Variants in MICU2 observed in about 807,000 individuals in gnomAD.
The protein encoded by MICU2 is mitochondrial calcium uptake 2, also known as calcium uptake protein 2, mitochondrial.
Under a neutral mutation model 60.4 loss-of-function variants are expected in MICU2, and 64 were observed. The observed-to-expected ratio is 1.06, with a 90% CI of 0.87 to 1.31. The LOEUF is 1.31. Ranked by LOEUF, MICU2 falls within the 50% of genes most tolerant of loss-of-function variation. The pLI is 0.00. For missense variants in MICU2, 569 were observed against 531.0 expected, an observed-to-expected ratio of 1.07 and a Z score of -0.70; for synonymous variants, 201 against 175.0, an observed-to-expected ratio of 1.15 and a Z score of -1.17.
At chr13:21,519,197 C>T (rs976017667) in intron 6 of MICU2, among the ~76,000 whole-genome samples, 9 of 152,172 alleles carry the variant, frequency 5.9e-5, no homozygotes, top group African/African-American at 2.2e-4. Flanking sequence ...GCTGAGATTA[C>T]AGGCATACGC....
intron 4 of MICU2, among the ~76,000 whole-genome samples, chr13:21,535,116 T>A (rs1299045186): frequency 6.6e-6 from 1 of 152,096 alleles, no homozygotes; most frequent in Non-Finnish European, 1.5e-5. Flanking sequence ...ATCTCTCAAT[T>A]TTTTTTTCCT....
intron 1 of MICU2, among the ~76,000 whole-genome samples, chr13:21,597,761 C>A (rs1348792847): frequency 2.0e-5 from 3 of 151,800 alleles, no homozygotes; most frequent in African/African-American, 7.3e-5. Context: ...GAAACCCCGT[C>A]TCTACTAAAA....
chr13:21,567,131 C>T (rs962860590), intron 1 of MICU2, among the ~76,000 whole-genome samples, 187 bp from the exon 2 acceptor site: 54 of 152,064 alleles, frequency 3.6e-4, no homozygotes, highest in African/African-American at 1.3e-3. Flanking sequence ...ATAAGACTAA[C>T]TTGAGGGAAG....
At chr13:21,495,046 A>T in intron 11 of MICU2, 115 bp downstream of exon 11, 1 of 654,220 alleles carries the variant, frequency 1.5e-6, no homozygotes, top group Non-Finnish European at 2.4e-6. Context: ...TACAGCTTAT[A>T]GTCTTTTTAT....
At chr13:21,505,810 T>C (rs1886278068) in intron 8 of MICU2, among the ~76,000 whole-genome samples, 1 of 152,156 alleles carries the variant, frequency 6.6e-6, no homozygotes, top group Non-Finnish European at 1.5e-5. Context: ...CTTCAGTTTC[T>C]AAAGTATGTG....
chr13:21,577,534 G>C (rs1006641554), intron 1 of MICU2, among the ~76,000 whole-genome samples: 1 of 152,026 alleles, frequency 6.6e-6, no homozygotes, highest in Admixed American at 6.6e-5. Flanking sequence ...GAGGCTGGGC[G>C]TGGTGGCTCA....
At chr13:21,580,054 A>T (rs1413978058) in intron 1 of MICU2, among the ~76,000 whole-genome samples, 1 of 152,236 alleles carries the variant, frequency 6.6e-6, no homozygotes. Context: ...CACCACTACT[A>T]GAACCAGGGT....
intron 2 of MICU2, among the ~76,000 whole-genome samples, chr13:21,563,330 CTGTAG>C (rs1446001363): frequency 6.6e-6 from 1 of 152,032 alleles, no homozygotes; most frequent in Non-Finnish European, 1.5e-5. Context: ...TGGCGGGCAC[CTGTAG>C]TCCCAGCTAC....
chr13:21,509,576 T>G (rs1397524978), intron 8 of MICU2, among the ~76,000 whole-genome samples: 1 of 152,196 alleles, frequency 6.6e-6, no homozygotes, highest in Non-Finnish European at 1.5e-5. Flanking sequence ...ATCAGCAGAC[T>G]GCAAATGCAA....
intron 9 of MICU2, among the ~76,000 whole-genome samples, chr13:21,501,318 A>C (rs1384672289): frequency 6.6e-6 from 1 of 151,554 alleles, no homozygotes; most frequent in Admixed American, 6.6e-5. Flanking sequence ...GCTGGAGTGC[A>C]GTGGCGCAAT....
intron 2 of MICU2, among the ~76,000 whole-genome samples, chr13:21,546,421 TGGGGGA>T (rs1887420729): frequency 1.3e-5 from 2 of 151,248 alleles, no homozygotes; most frequent in Non-Finnish European, 2.9e-5. Context: ...TTATATAACA[TGGGGGA>T]GGGAGAGGTA....
chr13:21,522,760 C>T (rs1248411908), intron 4 of MICU2, 110 bp from the exon 5 acceptor site: 2 of 754,064 alleles, frequency 2.7e-6, no homozygotes, highest in African/African-American at 1.8e-5. Flanking sequence ...CTTTAAATTA[C>T]CTCTCTTTGA....
chr13:21,572,341 T>C (rs902581089), intron 1 of MICU2, among the ~76,000 whole-genome samples: 1 of 152,198 alleles, frequency 6.6e-6, no homozygotes, highest in African/African-American at 2.4e-5. Flanking sequence ...TACATTTCCT[T>C]AAAATGAGGG....
chr13:21,577,640 C>G (rs1289402621), intron 1 of MICU2, among the ~76,000 whole-genome samples: 1 of 151,372 alleles, frequency 6.6e-6, no homozygotes, highest in Admixed American at 6.6e-5. Flanking sequence ...CCTGTCTCTA[C>G]AAAAATACAA....
intron 6 of MICU2, chr13:21,515,466 G>A: frequency 6.3e-6 from 2 of 318,020 alleles, no homozygotes; most frequent in Non-Finnish European, 6.4e-6. Flanking sequence ...ATAATTTAAA[G>A]ACTTACATTT....
chr13:21,578,543 G>C (rs886124908), intron 1 of MICU2, among the ~76,000 whole-genome samples: 1 of 151,992 alleles, frequency 6.6e-6, no homozygotes, highest in Non-Finnish European at 1.5e-5. Context: ...AAGCCAGTGA[G>C]CCATGATTGC....
chr13:21,513,739 C>CAAAAAAAAAAAAA (rs376128312), intron 7 of MICU2, among the ~76,000 whole-genome samples: 1 of 59,114 alleles, frequency 1.7e-5, no homozygotes, highest in Admixed American at 3.3e-4. Flanking sequence ...GACTCTGTCT[C>CAAAAAAAAAAAAA]AAAAAAAAAA....
At chr13:21,592,689 T>C (rs1888609465) in intron 1 of MICU2, among the ~76,000 whole-genome samples, 1 of 152,214 alleles carries the variant, frequency 6.6e-6, no homozygotes. Flanking sequence ...GTTTCATCCC[T>C]GGGATGCAAG....
Position 21,503,113 on chromosome 13 carries a change from C to A in MICU2, c.762-16G>T. On this transcript the variant is annotated splice_polypyrimidine_tract_variant and intron_variant, in intron 8 of 11. Transcript: ENST00000382374. ...TTCCATAAATCTGAATGTTAAAATACAAAATTAGTAAGGTAACTAGTGGCA... is the reference window on the plus strand; with the variant it reads ...TTCCATAAATCTGAATGTTAAAATAAAAAATTAGTAAGGTAACTAGTGGCA... The A allele has an allele frequency of 1.9e-6, 3 of 1,565,786 alleles. No individual in the cohort carries two copies. The highest frequency in any genetic ancestry group is 2.6e-6 in the Non-Finnish European group (3 of 1,151,670).
Sources: allele counts gnomAD v4.1 joint callset (sites outside exome capture counted in the v4.1 genomes callset), GRCh38; gene constraint gnomAD v4.1.1; transcripts MANE v1.5; gene names NCBI Gene and HGNC (gene_info 2026-07-23, HGNC 2026-07-21).